The following CNTN1 variants were observed in gnomAD, a reference collection of about 807,000 sequenced individuals.
CNTN1 encodes contactin 1.
Under a neutral mutation model 126.4 loss-of-function variants are expected in CNTN1, and 38 were observed. The ratio of observed to expected loss-of-function variants is 0.30; its 90% CI spans 0.23 to 0.39. The LOEUF is 0.39. Among genes scored for constraint, CNTN1 ranks in the 10% least tolerant of loss-of-function variants. The probability of loss-of-function intolerance (pLI) is 1.00; values close to 1 mark genes in which losing one functional copy is unlikely to be tolerated. For missense variants in CNTN1, 1,009 were observed against 1,248.4 expected (o/e 0.81, Z 2.89); for synonymous variants, 413 against 422.6 (o/e 0.98, Z 0.28).
chr12:40,963,739 AAAATTTTTATT>A (rs1253774682), intron 15 of CNTN1, among the ~76,000 whole-genome samples: 4 of 152,094 alleles, frequency 2.6e-5, no homozygotes, highest in Non-Finnish European at 4.4e-5. Flanking sequence ...TTGTTGCAAT[AAAATTTTTATT>A]TCTTAGGTCC....
Position 40,929,826 on chromosome 12 carries a change from A to T in CNTN1, c.527A>T (p.Glu176Val). Residue 176 changes from glutamate to valine, a missense_variant, in exon 7 of 24, where the codon GAA becomes GTA. Glu to Val is a moderately radical substitution (Grantham distance 121). Coordinates refer to ENST00000551295, the MANE Select transcript of CNTN1 (RefSeq NM_001843.4). Reference sequence around the variant, plus strand: ...CTTAGCTATCGCTGGCTTCTAAATGAATTTCCTGTATTTATCACAATGGAT... The same window carrying T: ...CTTAGCTATCGCTGGCTTCTAAATGTATTTCCTGTATTTATCACAATGGAT... ...DDLSYRWLLNEFPVFITMDKR... is the reference protein window; with the variant it reads ...DDLSYRWLLNVFPVFITMDKR... 1.2e-6 allele frequency: 2 copies of T among 1,612,336 alleles called. No individual in the cohort carries two copies. The highest frequency in any genetic ancestry group is 2.7e-5 in the African/African-American group (2 of 74,938).
chr12:40,803,453 A>C (rs1459854665), intron 1 of CNTN1, among the ~76,000 whole-genome samples: 1 of 152,038 alleles, frequency 6.6e-6, no homozygotes, highest in Non-Finnish European at 1.5e-5. Context: ...AGCAGAATTC[A>C]AGTTGCTCTG....
chr12:41,005,150 G>A (rs1309430833), intron 17 of CNTN1: 1 of 152,062 alleles, frequency 6.6e-6, no homozygotes, highest in Non-Finnish European at 1.5e-5. Context: ...TTCAGTGTTT[G>A]CTTATCTGAA....
chr12:41,034,290 T>C lies in CNTN1; in HGVS notation c.2980+5071T>C, dbSNP rs144247199. Among the ~76,000 whole-genome samples, 1,300 of 152,334 alleles carry C rather than the reference T, an allele frequency of 8.5e-3. 18 individuals carry two copies. The highest frequency in any genetic ancestry group is 0.026 in the African/African-American group (1,084 of 41,570). On this transcript the variant is annotated intron_variant, in intron 23 of 23. Transcript: ENST00000551295. ...TTTTTGTTAACTCCAAGATATTAAGTTAAACTGTATAACCAAACCCACTGA... is the reference window on the plus strand; with the variant it reads ...TTTTTGTTAACTCCAAGATATTAAGCTAAACTGTATAACCAAACCCACTGA...
At chr12:41,028,023 C>T in intron 22 of CNTN1, 54 bp downstream of exon 22, 8 of 1,278,250 alleles carry the variant, frequency 6.3e-6, no homozygotes, top group Non-Finnish European at 9.1e-6. Context: ...TTCAGTGAAA[C>T]CCAAGATGGG....
chr12:40,955,869 G>A (rs1014974614), intron 14 of CNTN1, among the ~76,000 whole-genome samples: 5 of 152,066 alleles, frequency 3.3e-5, no homozygotes, highest in African/African-American at 7.2e-5. Context: ...CCAAGTAATG[G>A]AAGTGGGAGG....
intron 1 of CNTN1, among the ~76,000 whole-genome samples, chr12:40,783,867 TG>T (rs1939899517): frequency 6.6e-6 from 1 of 152,146 alleles, no homozygotes; most frequent in Non-Finnish European, 1.5e-5. Context: ...AAAATATAGA[TG>T]GAAATTATAT....
intron 1 of CNTN1, among the ~76,000 whole-genome samples, chr12:40,730,870 A>G (rs1361266580): frequency 6.6e-6 from 1 of 152,124 alleles, no homozygotes; most frequent in African/African-American, 2.4e-5. Flanking sequence ...AGTTTTCATC[A>G]ATCTGTAATA....
At chr12:40,877,899 T>G (rs1943722892) in intron 1 of CNTN1, among the ~76,000 whole-genome samples, 1 of 151,950 alleles carries the variant, frequency 6.6e-6, no homozygotes, top group African/African-American at 2.4e-5. Context: ...CCCTGTAAAC[T>G]TTCCCCTCAT....
intron 1 of CNTN1, among the ~76,000 whole-genome samples, chr12:40,838,799 T>C (rs1942168917): frequency 6.6e-6 from 1 of 151,934 alleles, no homozygotes; most frequent in Non-Finnish European, 1.5e-5. Context: ...AATTCAAAAA[T>C]AGGAAGAAGC....
chr12:40,848,205 A>G (rs943895829), intron 1 of CNTN1, among the ~76,000 whole-genome samples: 7 of 152,182 alleles, frequency 4.6e-5, no homozygotes, highest in Non-Finnish European at 8.8e-5. Flanking sequence ...CCAGGCTGTG[A>G]TTTGACATCA....
chr12:40,718,142 G>A (rs1010613463), intron 1 of CNTN1, among the ~76,000 whole-genome samples: 60 of 152,132 alleles, frequency 3.9e-4, no homozygotes, highest in Admixed American at 1.2e-3. Flanking sequence ...TAATTGTAAG[G>A]ATATTTCCTG....
At chr12:40,772,477 G>A (rs552059869) in intron 1 of CNTN1, among the ~76,000 whole-genome samples, 1 of 152,096 alleles carries the variant, frequency 6.6e-6, no homozygotes, top group East Asian at 1.9e-4. Flanking sequence ...AAGCAAAATA[G>A]AGGGGAGATA....
rs184284986 is a variant in CNTN1, at chr12:40,745,789, G to T, written c.-77+53197G>T. 3.3e-5 allele frequency among the ~76,000 whole-genome samples: 5 copies of T among 152,232 alleles called. No homozygotes were observed. In the South Asian group the frequency reaches 6.2e-4, roughly 19 times the overall value. On this transcript the variant is annotated intron_variant, in intron 1 of 23. Transcript: ENST00000551295. The stretch of plus-strand genomic sequence containing the variant: ...GATATGGCAAAGAAACATATTCGGG[G>T]TTAAAATATTTTGATTTCTTTCCTT...
At chr12:40,796,488 T>C (rs565858153) in intron 1 of CNTN1, among the ~76,000 whole-genome samples, 35 of 152,092 alleles carry the variant, frequency 2.3e-4, no homozygotes, top group Non-Finnish European at 3.2e-4. Context: ...AAATCTGTTT[T>C]AAACAGCTAA....
chr12:40,721,643 T>G (rs1312836329), intron 1 of CNTN1, among the ~76,000 whole-genome samples: 1 of 148,846 alleles, frequency 6.7e-6, no homozygotes, highest in Non-Finnish European at 1.5e-5. Flanking sequence ...GCTGGTGTGC[T>G]GCACCCATTA....
At chr12:40,747,112 A>G (rs1234563086) in intron 1 of CNTN1, among the ~76,000 whole-genome samples, 4 of 152,066 alleles carry the variant, frequency 2.6e-5, no homozygotes, top group Non-Finnish European at 5.9e-5. Context: ...TAATCTGATA[A>G]CATAGATCAA....
intron 1 of CNTN1, among the ~76,000 whole-genome samples, chr12:40,884,003 G>T (rs1184404276): frequency 4.6e-5 from 7 of 151,320 alleles, no homozygotes; most frequent in Admixed American, 4.6e-4. Context: ...AAGATAATAA[G>T]GACTGCCCAT....
intron 23 of CNTN1, among the ~76,000 whole-genome samples, chr12:41,045,659 A>T (rs1949525252): frequency 6.6e-6 from 1 of 152,138 alleles, no homozygotes; most frequent in South Asian, 2.1e-4. Context: ...TAGGTCTCAA[A>T]GTAATTCCCA....
Sources: gnomAD v4.1 joint callset for allele counts (sites outside exome capture counted in the v4.1 genomes callset) on GRCh38, gnomAD v4.1.1 for gene constraint, MANE v1.5 for transcripts, NCBI Gene and HGNC (gene_info 2026-07-23, HGNC 2026-07-21) for gene names.